Variants in EFR3B observed in about 807,000 individuals in gnomAD.
EFR3B encodes EFR3 homolog B.
EFR3B carries 64 observed loss-of-function variants against 104.7 expected under a neutral mutation model. The observed-to-expected ratio is 0.61, with a 90% confidence interval of 0.50 to 0.75. The LOEUF (loss-of-function observed/expected upper bound fraction) is 0.75. EFR3B is among the 30% of genes least tolerant of loss of function. EFR3B has a pLI of 0.00. For missense variants in EFR3B, 750 were observed against 1,078.5 expected, an observed-to-expected ratio of 0.70 and a Z score of 4.27; for synonymous variants, 385 against 417.9, an observed-to-expected ratio of 0.92 and a Z score of 0.96.
chr2:25,049,219 C>T (rs191001535), intron 1 of EFR3B, among the ~76,000 whole-genome samples: 1 of 152,312 alleles, frequency 6.6e-6, no homozygotes, highest in East Asian at 1.9e-4. Context: ...AAATGTATAT[C>T]ACTTTAACTT....
chr2:25,053,802 G>A (rs1667947440), intron 1 of EFR3B, among the ~76,000 whole-genome samples: 1 of 152,202 alleles, frequency 6.6e-6, no homozygotes, highest in Admixed American at 6.5e-5. Context: ...AGCTACTCAG[G>A]AGGCTGAGGC....
chr2:25,149,617 A>C, intron 19 of EFR3B, 77 bp from the exon 20 acceptor site: 13 of 1,428,112 alleles, frequency 9.1e-6, no homozygotes, highest in Non-Finnish European at 1.3e-5. Context: ...AGGGGCTGCC[A>C]GAGAGCTGGG....
intron 1 of EFR3B, among the ~76,000 whole-genome samples, chr2:25,082,434 G>A (rs1668835168): frequency 6.6e-6 from 1 of 152,206 alleles, no homozygotes; most frequent in Non-Finnish European, 1.5e-5. Context: ...GGAGCTACAG[G>A]TGTTGGCAGC....
At chr2:25,110,007 G>A (rs1009262070) in intron 4 of EFR3B, among the ~76,000 whole-genome samples, 9 of 152,070 alleles carry the variant, frequency 5.9e-5, no homozygotes, top group African/African-American at 1.7e-4. Context: ...GGGGGAGGGC[G>A]GCTCCCCTGT....
chr2:25,130,650 C>T lies in EFR3B; in HGVS notation c.849+20C>T, dbSNP rs989372243. 139 of 1,544,918 alleles carry T rather than the reference C, an allele frequency of 9.0e-5. 1 individual carries two copies. The East Asian group carries it at 3.4e-3, about 37-fold the overall frequency. On this transcript the variant is annotated intron_variant, in intron 8 of 22. Coordinates refer to ENST00000403714, the MANE Select transcript of EFR3B (RefSeq NM_014971.2). This position sits in a 1 kb window ranked among gnomAD's most constrained non-coding sequence, Gnocchi z 4.6. ...ATTCAGGTATGGTGGCTCCCCTGGG[C>T]CAGCCGGATCCCAGGACAAAGGCCT...
At chr2:25,064,969 G>T (rs536419242) in intron 1 of EFR3B, among the ~76,000 whole-genome samples, 36 of 152,112 alleles carry the variant, frequency 2.4e-4, no homozygotes, top group Admixed American at 2.4e-3. Context: ...ACTGAAGCCA[G>T]GTGTCAGGAC....
At chr2:25,049,039 T>C (rs1462459124) in intron 1 of EFR3B, among the ~76,000 whole-genome samples, 1 of 152,242 alleles carries the variant, frequency 6.6e-6, no homozygotes, top group African/African-American at 2.4e-5. Flanking sequence ...GCCCTTCAAA[T>C]GGATTGGTCA....
At chr2:25,121,881 G>A (rs965638026) in intron 5 of EFR3B, 87 bp downstream of exon 5, 23 of 1,519,066 alleles carry the variant, frequency 1.5e-5, no homozygotes, top group East Asian at 9.8e-5. Context: ...CTGCCATTGC[G>A]TGTCTGCTTT....
intron 3 of EFR3B, among the ~76,000 whole-genome samples, chr2:25,096,408 G>T (rs891716209): frequency 1.3e-5 from 2 of 152,180 alleles, no homozygotes; most frequent in Non-Finnish European, 2.9e-5. Flanking sequence ...GATGGCAGTA[G>T]CCTTGGACAT....
chr2:25,131,606 C>G lies in EFR3B; in HGVS notation c.985+103C>G, dbSNP rs1670337232. 3 of 1,507,478 alleles carry G rather than the reference C, an allele frequency of 2.0e-6. No homozygotes were observed. Among genetic ancestry groups the G allele is most frequent in the Non-Finnish European group, 1.8e-6 (2 of 1,122,580 alleles). The allele number at this position is 1,507,478 out of a possible 1,614,324, so 93.4% of individuals were successfully genotyped here. A position where few individuals can be genotyped will look rare whatever the true frequency, so the allele number is the denominator to read the frequency against. ...ACAGGGAGGGGTCGGAGTCCGTTTTCCTCGGGAGAAGTCCGCCAGGAAGTT... is the reference window on the plus strand; with the variant it reads ...ACAGGGAGGGGTCGGAGTCCGTTTTGCTCGGGAGAAGTCCGCCAGGAAGTT... On this transcript the variant is annotated intron_variant, in intron 9 of 22. Transcript: ENST00000403714. The surrounding 1 kb of genome is among the most constrained non-coding windows in gnomAD (Gnocchi z 7.6).
At chr2:25,153,354 A>G (rs1022740992) in intron 21 of EFR3B, among the ~76,000 whole-genome samples, 5 of 152,000 alleles carry the variant, frequency 3.3e-5, no homozygotes, top group Non-Finnish European at 5.9e-5. Flanking sequence ...ACTCCTTCTC[A>G]ATTAAAAAAA....
Position 25,155,126 on chromosome 2 carries a change from G to A in EFR3B, c.*786G>A, listed in dbSNP as rs758265784. The stretch of plus-strand genomic sequence containing the variant: ...CAGAGTTGGGTTCTCTCTCTTTGAT[G>A]TCTTTCTTCTGAGGGTCCCAAGGTG... On this transcript the variant is annotated 3_prime_UTR_variant, in exon 23 of 23. Coordinates refer to ENST00000403714, the MANE Select transcript of EFR3B (RefSeq NM_014971.2). The A allele has an allele frequency of 1.3e-5, 2 of 152,318 alleles. No homozygotes were observed. Among genetic ancestry groups the A allele is most frequent in the Admixed American group, 1.3e-4 (2 of 15,270 alleles). 9.4% of individuals were successfully genotyped at this position (152,318 alleles called of 1,614,324 possible).
chr2:25,128,216 G>T lies in EFR3B; in HGVS notation c.519G>T (p.Gly173=). ...IRMSGIKGLQ[G]VVRKTVNDEL... The stretch of plus-strand genomic sequence containing the variant: ...TGTCAGGCATCAAAGGCCTGCAAGG[G>T]GTGGTGAGGAAGACGGTGAATGATG... Residue 173 remains glycine, a synonymous_variant, in exon 6 of 23, where the codon GGG becomes GGT. Coordinates refer to ENST00000403714, the MANE Select transcript of EFR3B (RefSeq NM_014971.2). The T allele has an allele frequency of 6.4e-7, 1 of 1,551,784 alleles. No homozygotes were observed. Among genetic ancestry groups the T allele is most frequent in the South Asian group, 1.2e-5 (1 of 84,056 alleles).
At position 25,141,360 on chromosome 2, in the gene EFR3B, C is replaced by T. The variant is rs547924117; in HGVS notation, c.1855-6C>T. The T allele has an allele frequency of 2.6e-5, 41 of 1,551,208 alleles. No homozygotes were observed. The highest frequency in any genetic ancestry group is 1.7e-4 in the Middle Eastern group (1 of 5,992). On this transcript the variant is annotated splice_region_variant and splice_polypyrimidine_tract_variant and intron_variant, in intron 16 of 22. Transcript: ENST00000403714. ...CAGCTCTTATCTGATTCCTCCCAAC[C>T]GCCAGGTGATAGAGACCAGGAAGAA... is the stretch of plus-strand genomic sequence containing the variant.
At chr2:25,142,447 T>TAA (rs775996269) in intron 17 of EFR3B, among the ~76,000 whole-genome samples, 6 of 117,176 alleles carry the variant, frequency 5.1e-5, no homozygotes, top group Admixed American at 8.9e-5. Flanking sequence ...AGACTCTGTC[T>TAA]AAAAAAAAAA....
chr2:25,136,449 A>G lies in EFR3B; in HGVS notation c.1485-74A>G, dbSNP rs1670517122. 11 of 1,240,210 alleles carry G rather than the reference A, an allele frequency of 8.9e-6. No individual in the cohort carries two copies. The highest frequency in any genetic ancestry group is 1.5e-5 in the African/African-American group (1 of 66,752). The allele number at this position is 1,240,210 out of a possible 1,614,324, so 76.8% of individuals were successfully genotyped here. On this transcript the variant is annotated intron_variant, in intron 13 of 22. Transcript: ENST00000403714. The surrounding 1 kb of genome is among the most constrained non-coding windows in gnomAD (Gnocchi z 4.0). ...GTACCAACTAACAATGTTGGGGATA[A>G]AGCTCAGTGACCCCGTGTGAGCTCA... is the stretch of plus-strand genomic sequence containing the variant.
intron 1 of EFR3B, among the ~76,000 whole-genome samples, chr2:25,062,855 G>C (rs1318573996): frequency 6.6e-6 from 1 of 152,248 alleles, no homozygotes; most frequent in Non-Finnish European, 1.5e-5. Flanking sequence ...ACTCTCCTAG[G>C]CCTCCGGCAC....
chr2:25,078,749 C>T (rs979852224), intron 1 of EFR3B, among the ~76,000 whole-genome samples: 1 of 152,174 alleles, frequency 6.6e-6, no homozygotes, highest in Admixed American at 6.5e-5. Flanking sequence ...GTGAAGGATG[C>T]ACAGAAGTCG....
intron 1 of EFR3B, among the ~76,000 whole-genome samples, chr2:25,090,231 C>T (rs1296991794): frequency 6.6e-6 from 1 of 152,208 alleles, no homozygotes; most frequent in Non-Finnish European, 1.5e-5. Flanking sequence ...AGGAGGTGGA[C>T]TTTCCCAGGC....
Sources: gnomAD v4.1 joint callset for allele counts (sites outside exome capture counted in the v4.1 genomes callset) on GRCh38, gnomAD v4.1.1 for gene constraint, Gnocchi (gnomAD v3.1) non-coding constraint, MANE v1.5 for transcripts, NCBI Gene and HGNC (gene_info 2026-07-23, HGNC 2026-07-21) for gene names.